CEMIP: variants seen among roughly 807,000 people sequenced by gnomAD.
CEMIP encodes the protein cell migration-inducing and hyaluronan-binding protein.
A neutral mutation model predicts 156.9 loss-of-function variants in CEMIP; 105 were observed. That is an observed-to-expected ratio of 0.67 (90% confidence interval 0.57 to 0.79). The LOEUF (loss-of-function observed/expected upper bound fraction) is 0.79. Ranked by LOEUF, CEMIP falls within the 30% of genes least tolerant of loss-of-function variation. The pLI is 0.00. For synonymous variants in CEMIP, 676 were observed against 668.4 expected (o/e 1.01, Z -0.17); for missense variants, 1,457 against 1,769.4 (o/e 0.82, Z 3.17).
intron 1 of CEMIP, among the ~76,000 whole-genome samples, chr15:80,794,531 A>T (rs541595321): frequency 6.6e-6 from 1 of 152,362 alleles, no homozygotes; most frequent in African/African-American, 2.4e-5. Flanking sequence ...AAAGTTTAAA[A>T]AGAAACAGGT....
At chr15:80,822,784 AC>A (rs1223443250) in intron 1 of CEMIP, among the ~76,000 whole-genome samples, 1 of 152,074 alleles carries the variant, frequency 6.6e-6, no homozygotes, top group Admixed American at 6.5e-5. Context: ...GGATATTTCC[AC>A]TTTGAGAGTG....
At chr15:80,806,287 G>A (rs141781900) in intron 1 of CEMIP, among the ~76,000 whole-genome samples, 3 of 152,222 alleles carry the variant, frequency 2.0e-5, no homozygotes, top group South Asian at 2.1e-4. Flanking sequence ...TGCAGATGGC[G>A]TTGAAATTGT....
intron 1 of CEMIP, among the ~76,000 whole-genome samples, chr15:80,869,323 C>T (rs145152010): frequency 6.6e-6 from 1 of 152,318 alleles, no homozygotes; most frequent in African/African-American, 2.4e-5. Context: ...GTGCACAATT[C>T]AGCCTGTAAC....
At chr15:80,943,974 G>T (rs563740030) in intron 28 of CEMIP, among the ~76,000 whole-genome samples, 1 of 152,062 alleles carries the variant, frequency 6.6e-6, no homozygotes, top group African/African-American at 2.4e-5. Flanking sequence ...GGTCTTTTCC[G>T]ATCCAACCCA....
intron 1 of CEMIP, among the ~76,000 whole-genome samples, chr15:80,780,953 A>G (rs2141550336): frequency 6.6e-6 from 1 of 152,320 alleles, no homozygotes; most frequent in Admixed American, 6.5e-5. Flanking sequence ...CCCAGCCCTC[A>G]GGAGTCTGTG....
intron 1 of CEMIP, among the ~76,000 whole-genome samples, chr15:80,805,849 T>A (rs1896501036): frequency 6.6e-6 from 1 of 152,238 alleles, no homozygotes; most frequent in Admixed American, 6.5e-5. Context: ...GGTCTCAGCT[T>A]ATTTAATTTT....
chr15:80,920,240 C>A lies in CEMIP; in HGVS notation c.1944C>A (p.Cys648Ter). The change falls in exon 15 of 30, where the codon TGC becomes TGA. Residue 648 changes from cysteine (C) to a stop codon, truncating the protein, a stop_gained. Coordinates refer to ENST00000394685, the MANE Select transcript of CEMIP (RefSeq NM_001293298.2). LOFTEE classifies it high-confidence loss of function. ...CCTCGGACCGTGACAGCAAGATGTG[C>A]AAGATGATCACAGAGGACTCCTACC... ...LLPSDRDSKM[C>*]KMITEDSYPG... 10 of 1,614,196 alleles carry A rather than the reference C, an allele frequency of 6.2e-6. No individual in the cohort carries two copies. The highest frequency in any genetic ancestry group is 8.5e-6 in the Non-Finnish European group (10 of 1,180,030).
chr15:80,844,680 C>A (rs537589744), intron 1 of CEMIP, among the ~76,000 whole-genome samples: 98 of 152,338 alleles, frequency 6.4e-4, no homozygotes, highest in Non-Finnish European at 1.2e-3. Context: ...TGTCCCCATC[C>A]GATTTCAGGG....
At chr15:80,863,289 A>C (rs1453099315) in intron 1 of CEMIP, among the ~76,000 whole-genome samples, 1 of 152,342 alleles carries the variant, frequency 6.6e-6, no homozygotes, top group East Asian at 1.9e-4. Context: ...AGGGTGTTGG[A>C]CAAGGAGTTG....
At chr15:80,902,446 T>A (rs1355073738) in intron 12 of CEMIP, among the ~76,000 whole-genome samples, 1 of 152,010 alleles carries the variant, frequency 6.6e-6, no homozygotes, top group African/African-American at 2.4e-5. Flanking sequence ...TGAGGCAGGA[T>A]GGGGTGCGGG....
intron 1 of CEMIP, among the ~76,000 whole-genome samples, chr15:80,866,164 C>T (rs1306528175): frequency 3.9e-5 from 6 of 152,184 alleles, no homozygotes; most frequent in Admixed American, 3.9e-4. Flanking sequence ...CTCTGCCATG[C>T]TTGGGGATAG....
At chr15:80,810,503 G>A (rs1896637389) in intron 1 of CEMIP, among the ~76,000 whole-genome samples, 1 of 152,166 alleles carries the variant, frequency 6.6e-6, no homozygotes, top group South Asian at 2.1e-4. Context: ...GAGTAGCTGG[G>A]ACTACAGGCG....
rs115508292 is a variant in CEMIP, at chr15:80,852,770, C to T, written c.-175-20768C>T. Among the ~76,000 whole-genome samples, 790 of 152,238 alleles carry T rather than the reference C, an allele frequency of 5.2e-3. 8 individuals are homozygous for T. The highest frequency in any genetic ancestry group is 0.018 in the African/African-American group (760 of 41,546). On this transcript the variant is annotated intron_variant, in intron 1 of 29. Coordinates refer to ENST00000394685, the MANE Select transcript of CEMIP (RefSeq NM_001293298.2). The stretch of plus-strand genomic sequence containing the variant: ...GGTGGTGCTTATCTCATTTTCAGTC[C>T]TGAAGGAGGAGGAAGATCAAGTGTG...
At chr15:80,907,001 T>G (rs981933531) in intron 13 of CEMIP, among the ~76,000 whole-genome samples, 163 bp downstream of exon 13, 4 of 77,358 alleles carry the variant, frequency 5.2e-5, no homozygotes, top group Non-Finnish European at 7.9e-5. Context: ...TATTATCCAT[T>G]AGTGTGCAGC....
At chr15:80,831,898 C>T (rs77419893) in intron 1 of CEMIP, among the ~76,000 whole-genome samples, 230 of 152,308 alleles carry the variant, frequency 1.5e-3, no homozygotes, top group African/African-American at 5.3e-3. Flanking sequence ...GCCTTCCTCA[C>T]GTTGATCTGT....
chr15:80,781,461 A>G (rs1272534930), intron 1 of CEMIP, among the ~76,000 whole-genome samples: 1 of 152,186 alleles, frequency 6.6e-6, no homozygotes, highest in East Asian at 1.9e-4. Flanking sequence ...AAAAACCTGT[A>G]GGGTTTAATC....
At chr15:80,870,552 C>G (rs1898255951) in intron 1 of CEMIP, among the ~76,000 whole-genome samples, 1 of 152,158 alleles carries the variant, frequency 6.6e-6, no homozygotes, top group African/African-American at 2.4e-5. Context: ...GCCCTGGACT[C>G]CGGTGCGGCT....
chr15:80,895,097 T>A lies in CEMIP; in HGVS notation c.1194T>A (p.Arg398=), dbSNP rs545107177. ...YDRGRACRSY[R]VRFLCGKPVR... is the part of the protein sequence containing the mutation. ...GGGGCAGAGCCTGCCGGAGCTACCG[T>A]GTACGGTTCCTCTGTGGGAAGCCTG... The change falls in exon 11 of 30, where the codon CGT becomes CGA. Residue 398 remains arginine, a synonymous_variant. Transcript: ENST00000394685. 1 of 1,614,198 alleles carries A rather than the reference T, an allele frequency of 6.2e-7. No homozygotes were observed. The highest frequency in any genetic ancestry group is 8.5e-7 in the Non-Finnish European group (1 of 1,180,028).
chr15:80,865,135 G>A (rs960750446), intron 1 of CEMIP, among the ~76,000 whole-genome samples: 1 of 152,100 alleles, frequency 6.6e-6, no homozygotes, highest in Non-Finnish European at 1.5e-5. Context: ...AAGCTGTGGA[G>A]GACTTGAAAT....
Sources: gnomAD v4.1 joint callset for allele counts (sites outside exome capture counted in the v4.1 genomes callset) on GRCh38, gnomAD v4.1.1 for gene constraint, MANE v1.5 for transcripts, NCBI Gene and HGNC (gene_info 2026-07-23, HGNC 2026-07-21) for gene names.